CNTNAP2: variants seen among roughly 807,000 people sequenced by gnomAD.
The protein encoded by CNTNAP2 is contactin associated protein 2.
CNTNAP2 carries 98 observed loss-of-function variants against 155.2 expected under a neutral mutation model. That is an observed-to-expected ratio of 0.63 (90% CI 0.54 to 0.75). CNTNAP2 has a LOEUF of 0.75. Ranked by LOEUF, CNTNAP2 falls within the 30% of genes least tolerant of loss-of-function variation. The pLI is 0.00. For synonymous variants in CNTNAP2, 651 were observed against 631.2 expected (o/e 1.03, Z -0.47); for missense variants, 1,727 against 1,688.1 (o/e 1.02, Z -0.40).
intron 9 of CNTNAP2, among the ~76,000 whole-genome samples, chr7:147,305,423 T>A (rs982879337): frequency 1.3e-5 from 2 of 152,180 alleles, no homozygotes; most frequent in Admixed American, 6.5e-5. Context: ...ATACACTCCA[T>A]GAAAAGCCTC....
At chr7:147,606,469 C>T (rs138650348) in intron 12 of CNTNAP2, among the ~76,000 whole-genome samples, 77 of 152,324 alleles carry the variant, frequency 5.1e-4, no homozygotes, top group African/African-American at 1.9e-3. Flanking sequence ...CCTATTTAAG[C>T]ATTAAACTAT....
At chr7:147,239,788 A>G (rs895801922) in intron 8 of CNTNAP2, among the ~76,000 whole-genome samples, 3 of 152,218 alleles carry the variant, frequency 2.0e-5, no homozygotes, top group Admixed American at 2.0e-4. Flanking sequence ...TATTCATTTT[A>G]TAGATATCAT....
At chr7:148,194,682 G>A (rs1795248495) in intron 18 of CNTNAP2, among the ~76,000 whole-genome samples, 1 of 152,136 alleles carries the variant, frequency 6.6e-6, no homozygotes, top group African/African-American at 2.4e-5. Context: ...TCCAAGACGA[G>A]AGGCCTAAGA....
At chr7:146,943,000 G>A (rs968695077) in intron 3 of CNTNAP2, among the ~76,000 whole-genome samples, 9 of 152,168 alleles carry the variant, frequency 5.9e-5, no homozygotes, top group African/African-American at 2.2e-4. Context: ...GCTTAAAACT[G>A]TAAAATAAAA....
At chr7:147,290,272 A>G (rs1805273982) in intron 8 of CNTNAP2, among the ~76,000 whole-genome samples, 1 of 152,222 alleles carries the variant, frequency 6.6e-6, no homozygotes, top group Admixed American at 6.5e-5. Context: ...TAACAAACAC[A>G]TATTTTTTAT....
At chr7:148,106,491 G>A (rs1456808741) in intron 15 of CNTNAP2, among the ~76,000 whole-genome samples, 1 of 46,344 alleles carries the variant, frequency 2.2e-5, no homozygotes, top group Non-Finnish European at 4.0e-5. Context: ...TGCACACTTT[G>A]AGATATATAT....
At chr7:146,979,189 T>C (rs1228757194) in intron 3 of CNTNAP2, among the ~76,000 whole-genome samples, 1 of 152,212 alleles carries the variant, frequency 6.6e-6, no homozygotes, top group East Asian at 1.9e-4. Context: ...TTACTCTAAA[T>C]GTTGCCCTGT....
At chr7:147,683,684 A>G (rs1391929666) in intron 13 of CNTNAP2, among the ~76,000 whole-genome samples, 2 of 151,536 alleles carry the variant, frequency 1.3e-5, no homozygotes, top group African/African-American at 4.8e-5. Flanking sequence ...ATGCATTATA[A>G]TATTAAAAGG....
intron 1 of CNTNAP2, among the ~76,000 whole-genome samples, chr7:146,221,195 A>G (rs1452147806): frequency 6.6e-6 from 1 of 152,104 alleles, no homozygotes; most frequent in African/African-American, 2.4e-5. Flanking sequence ...TCTTTCCCAC[A>G]TCCTCACAAT....
intron 15 of CNTNAP2, among the ~76,000 whole-genome samples, chr7:148,115,820 A>G (rs1160707797): frequency 6.6e-6 from 1 of 151,976 alleles, no homozygotes; most frequent in East Asian, 1.9e-4. Context: ...TCCTACTGAA[A>G]TCTATGATTT....
At chr7:147,858,043 T>C (rs1799070043) in intron 13 of CNTNAP2, among the ~76,000 whole-genome samples, 1 of 152,202 alleles carries the variant, frequency 6.6e-6, no homozygotes, top group Non-Finnish European at 1.5e-5. Flanking sequence ...CTGGATGAGG[T>C]ATTACTTTCA....
intron 1 of CNTNAP2, among the ~76,000 whole-genome samples, chr7:146,288,177 G>A (rs764821729): frequency 6.6e-6 from 1 of 151,250 alleles, no homozygotes; most frequent in Admixed American, 6.6e-5. Context: ...GTTTGCCTGT[G>A]TTCCCAGCTA....
In CNTNAP2 at chr7:146,813,841, T is replaced by C. The variant is rs1803114565; in HGVS notation, c.209-25870T>C. Among the ~76,000 whole-genome samples the C allele has an allele frequency of 2.0e-5, 3 of 152,096 alleles. No individual in the cohort carries two copies. The South Asian group carries it at 6.2e-4, about 32-fold the overall frequency. ...GACCCGGTGGGAAGTAATTGAATCATGGGGATGGTTACCTGCACACTGCTG... is the reference window on the plus strand; with the variant it reads ...GACCCGGTGGGAAGTAATTGAATCACGGGGATGGTTACCTGCACACTGCTG... On this transcript the variant is annotated intron_variant, in intron 2 of 23. Coordinates refer to ENST00000361727, the MANE Select transcript of CNTNAP2 (RefSeq NM_014141.6).
intron 21 of CNTNAP2, among the ~76,000 whole-genome samples, chr7:148,338,555 G>A (rs1414457388): frequency 5.3e-5 from 8 of 150,306 alleles, no homozygotes; most frequent in African/African-American, 1.9e-4. Context: ...GGGGCGTGGG[G>A]GGGTGAGGGG....
intron 1 of CNTNAP2, among the ~76,000 whole-genome samples, chr7:146,575,744 G>C (rs145363918): frequency 6.6e-6 from 1 of 152,174 alleles, no homozygotes; most frequent in African/African-American, 2.4e-5. Flanking sequence ...TCTCTAAGGC[G>C]ATAAAATCTT....
At chr7:146,134,718 G>A (rs1465385763) in intron 1 of CNTNAP2, among the ~76,000 whole-genome samples, 1 of 151,450 alleles carries the variant, frequency 6.6e-6, no homozygotes, top group Non-Finnish European at 1.5e-5. Flanking sequence ...TACATTTATT[G>A]ATTTGCGTAT....
intron 1 of CNTNAP2, among the ~76,000 whole-genome samples, chr7:146,624,464 C>A (rs1351107632): frequency 8.4e-6 from 1 of 119,316 alleles, no homozygotes; most frequent in African/African-American, 2.8e-5. Flanking sequence ...GAATGCTCAG[C>A]ATTATTACTT....
chr7:146,579,568 C>T (rs554238643), intron 1 of CNTNAP2, among the ~76,000 whole-genome samples: 2 of 152,244 alleles, frequency 1.3e-5, no homozygotes, highest in Non-Finnish European at 2.9e-5. Context: ...TAAGCTTTCA[C>T]ATCAGTCTAA....
intron 15 of CNTNAP2, among the ~76,000 whole-genome samples, chr7:148,022,280 A>G (rs1802293589): frequency 1.3e-5 from 2 of 151,956 alleles, no homozygotes; most frequent in South Asian, 4.2e-4. Context: ...CCAGCCCGGG[A>G]AACGCGGTGA....
Sources: allele counts gnomAD v4.1 joint callset (sites outside exome capture counted in the v4.1 genomes callset), GRCh38; gene constraint gnomAD v4.1.1; transcripts MANE v1.5; gene names NCBI Gene and HGNC (gene_info 2026-07-23, HGNC 2026-07-21).